CCNI: variants seen among roughly 807,000 people sequenced by gnomAD.
CCNI encodes cyclin I, also known as cyclin-I.
Under a neutral mutation model 34.1 loss-of-function variants are expected in CCNI, and 14 were observed. The ratio of observed to expected loss-of-function variants is 0.41; its 90% CI spans 0.27 to 0.64. CCNI has a LOEUF of 0.64. Ranked by LOEUF, CCNI falls within the 30% of genes least tolerant of loss-of-function variation. CCNI has a pLI of 0.31. For synonymous variants in CCNI, 154 were observed against 158.4 expected, an observed-to-expected ratio of 0.97 and a Z score of 0.21; for missense variants, 385 against 440.5, an observed-to-expected ratio of 0.87 and a Z score of 1.13.
chr4:77,075,672 CG>C lies in CCNI; in HGVS notation c.-245del. 1 of 593,856 alleles carries C rather than the reference CG, an allele frequency of 1.7e-6. No individual in the cohort carries two copies. Among genetic ancestry groups the C allele is most frequent in the Non-Finnish European group, 2.1e-6 (1 of 470,794 alleles). The allele number at this position is 593,856 out of a possible 1,614,324, so 36.8% of individuals were successfully genotyped here. A position where few individuals can be genotyped will look rare whatever the true frequency, so the allele number is the denominator to read the frequency against. On this transcript the variant is annotated 5_prime_UTR_variant, in exon 1 of 7. Transcript: ENST00000237654. ...GCGGGCGCGGGCGCTGGCGCTCGAG[CG>C]GGACGCACGGCTGCGGCCGCTGGGT...
At chr4:77,070,474 CTTTTTTTTTTT>C (rs543086530) in intron 1 of CCNI, among the ~76,000 whole-genome samples, 1 of 119,168 alleles carries the variant, frequency 8.4e-6, no homozygotes, top group Non-Finnish European at 1.8e-5. Flanking sequence ...TGGGTACTTT[CTTTTTTTTTTT>C]TTTTTTTTGA....
chr4:77,048,685 C>T, intron 6 of CCNI, 23 bp from the exon 7 acceptor site: 1 of 1,426,020 alleles, frequency 7.0e-7, no homozygotes, highest in Non-Finnish European at 9.4e-7. Context: ...AAAAAAAAAG[C>T]CACACACAGT....
chr4:77,072,366 C>G (rs1477288757), intron 1 of CCNI, among the ~76,000 whole-genome samples: 1 of 150,044 alleles, frequency 6.7e-6, no homozygotes, highest in Non-Finnish European at 1.5e-5. Flanking sequence ...GCTTGTGATC[C>G]CAGAACTTTG....
At chr4:77,048,962 G>GTTTTTT (rs538284505) in intron 6 of CCNI, among the ~76,000 whole-genome samples, 7 of 47,646 alleles carry the variant, frequency 1.5e-4, no homozygotes, top group Admixed American at 2.9e-4. Flanking sequence ...TCCAACGTCT[G>GTTTTTT]TTTTTTTTTT....
intron 6 of CCNI, among the ~76,000 whole-genome samples, chr4:77,051,255 T>C (rs1001323036): frequency 5.3e-5 from 8 of 152,200 alleles, no homozygotes; most frequent in African/African-American, 1.9e-4. Context: ...CCTCGTTTAA[T>C]GAAATGTTCT....
At position 77,055,178 on chromosome 4, in the gene CCNI, A is replaced by G; in HGVS notation, c.662T>C (p.Leu221Pro). ...MEKLIPDWLS[L>P]TIELLQKAQM... ...TGCTTTCTGAAGCAGTTCAATTGTA[A>G]GAGAAAGCCAATCAGGAATGAGTTT... The change falls in exon 6 of 7, where the codon CTT (leucine) becomes CCT (proline). Residue 221 changes from leucine to proline, a missense_variant. Leu to Pro is a moderately conservative substitution (Grantham distance 98, BLOSUM62 -3). Transcript: ENST00000237654. 6.2e-7 allele frequency: 1 copy of G among 1,613,496 alleles called. No individual in the cohort carries two copies. The highest frequency in any genetic ancestry group is 1.1e-5 in the South Asian group (1 of 91,066).
chr4:77,055,904 T>C, intron 5 of CCNI, 58 bp downstream of exon 5: 1 of 1,398,896 alleles, frequency 7.1e-7, no homozygotes, highest in Non-Finnish European at 9.8e-7. Context: ...ATCTATTTTT[T>C]AATTTACTGA....
chr4:77,064,644 T>TAC (rs1728892332), intron 2 of CCNI: 1 of 149,568 alleles, frequency 6.7e-6, no homozygotes, highest in South Asian at 2.1e-4. Flanking sequence ...GGAAGAGGAC[T>TAC]ACCTTAGGAA....
At chr4:77,055,077 A>T in intron 6 of CCNI, 73 bp downstream of exon 6, 1 of 913,968 alleles carries the variant, frequency 1.1e-6, no homozygotes, top group Non-Finnish European at 1.7e-6. Context: ...AATGTCTTTT[A>T]GTTTGGTAAC....
intron 2 of CCNI, among the ~76,000 whole-genome samples, chr4:77,063,898 C>T (rs1330944463): frequency 6.6e-6 from 1 of 152,060 alleles, no homozygotes; most frequent in Non-Finnish European, 1.5e-5. Context: ...AGTTCTGATA[C>T]TATTCTGTTC....
At chr4:77,057,822 A>G (rs976130443) in intron 3 of CCNI, among the ~76,000 whole-genome samples, 5 of 152,254 alleles carry the variant, frequency 3.3e-5, no homozygotes, top group Admixed American at 6.5e-5. Context: ...TGGATATTCA[A>G]TAAGTAGTGA....
At position 77,049,161 on chromosome 4, in the gene CCNI, A is replaced by T. The variant is rs566276620; in HGVS notation, c.691-499T>A. On this transcript the variant is annotated intron_variant, in intron 6 of 6. Transcript: ENST00000237654. ...ATGAGGAGGGAAGCTAAGAATTTTA[A>T]AATAGTAAATGAAAAATTTAGAAAT... Among the ~76,000 whole-genome samples the T allele has an allele frequency of 7.2e-5, 11 of 152,144 alleles. No homozygotes were observed. In the South Asian group the frequency reaches 2.3e-3, roughly 32 times the overall value.
chr4:77,064,510 T>C (rs1486267444), intron 2 of CCNI, among the ~76,000 whole-genome samples: 2 of 151,790 alleles, frequency 1.3e-5, no homozygotes, highest in Non-Finnish European at 2.9e-5. Flanking sequence ...GCCTAGAGTA[T>C]AGCAGATACT....
intron 1 of CCNI, among the ~76,000 whole-genome samples, chr4:77,072,638 T>TAAAAAAAAA (rs61247567): frequency 5.0e-4 from 51 of 101,336 alleles, no homozygotes; most frequent in African/African-American, 1.3e-3. Context: ...CCCAATCTCT[T>TAAAAAAAAA]AAAAAAAAAA....
chr4:77,051,491 TGATA>T (rs1727832132), intron 6 of CCNI, among the ~76,000 whole-genome samples: 1 of 147,692 alleles, frequency 6.8e-6, no homozygotes, highest in Non-Finnish European at 1.5e-5. Flanking sequence ...TGACAAGAAA[TGATA>T]GAGCTAAAAG....
rs112460331 is a variant in CCNI, at chr4:77,067,575, C to T, written c.-43-1170G>A. ...GTGGTGTAGTGGCTCACTGCAGCCT[C>T]GAACTCCTGGGTTCAGGTGATCCTC... On this transcript the variant is annotated intron_variant, in intron 1 of 6. Coordinates refer to ENST00000237654, the MANE Select transcript of CCNI (RefSeq NM_006835.3). Among the ~76,000 whole-genome samples, 462 of 151,758 alleles carry T rather than the reference C, an allele frequency of 3.0e-3. 2 individuals carry two copies. The highest frequency in any genetic ancestry group is 0.01 in the African/African-American group (431 of 41,408).
At chr4:77,053,711 T>A (rs903604775) in intron 6 of CCNI, among the ~76,000 whole-genome samples, 1 of 152,186 alleles carries the variant, frequency 6.6e-6, no homozygotes. Flanking sequence ...CCAATAAAAA[T>A]AATGTAATGT....
chr4:77,051,996 T>C (rs1459815275), intron 6 of CCNI, among the ~76,000 whole-genome samples: 7 of 151,542 alleles, frequency 4.6e-5, no homozygotes, highest in Non-Finnish European at 1.0e-4. Context: ...TTTTAGATGG[T>C]ACATGTGCAG....
At chr4:77,049,440 G>A (rs1198904932) in intron 6 of CCNI, among the ~76,000 whole-genome samples, 10 of 152,110 alleles carry the variant, frequency 6.6e-5, no homozygotes, top group African/African-American at 2.4e-4. Flanking sequence ...CACTTTGGGA[G>A]GCCAAGGCAG....
Sources: allele counts gnomAD v4.1 joint callset (sites outside exome capture counted in the v4.1 genomes callset), GRCh38; gene constraint gnomAD v4.1.1; transcripts MANE v1.5; gene names NCBI Gene and HGNC (gene_info 2026-07-23, HGNC 2026-07-21).